MGAT4C: variants seen among roughly 807,000 people sequenced by gnomAD.
MGAT4C encodes the protein alpha-1,3-mannosyl-glycoprotein 4-beta-N-acetylglucosaminyltransferase C.
A neutral mutation model predicts 40.1 loss-of-function variants in MGAT4C; 19 were observed. The ratio of observed to expected loss-of-function variants is 0.47; its 90% CI spans 0.33 to 0.70. MGAT4C has a LOEUF of 0.70. Ranked by LOEUF, MGAT4C falls within the 30% of genes least tolerant of loss-of-function variation. The pLI is 0.02. For synonymous variants in MGAT4C, 181 were observed against 187.1 expected (o/e 0.97, Z 0.27); for missense variants, 491 against 563.2 (o/e 0.87, Z 1.30).
At chr12:85,984,554 T>C (rs1337746301) in intron 3 of MGAT4C, among the ~76,000 whole-genome samples, 1 of 152,186 alleles carries the variant, frequency 6.6e-6, no homozygotes, top group Non-Finnish European at 1.5e-5. Flanking sequence ...CTAATTGCCC[T>C]TCTTTGATAT....
chr12:86,460,961 C>A (rs879417608), intron 2 of MGAT4C, among the ~76,000 whole-genome samples: 2 of 152,040 alleles, frequency 1.3e-5, no homozygotes, highest in Non-Finnish European at 2.9e-5. Flanking sequence ...TAACACAATG[C>A]AAGAGTTTTA....
chr12:86,615,324 A>C (rs554650534), intron 2 of MGAT4C, among the ~76,000 whole-genome samples: 1 of 152,100 alleles, frequency 6.6e-6, no homozygotes, highest in South Asian at 2.1e-4. Flanking sequence ...ATATTAAAGC[A>C]GTTTACTGTA....
Position 86,105,852 on chromosome 12 carries a change from A to C in MGAT4C, c.-56-56129T>G, listed in dbSNP as rs74985904. ...CATAAGGGTTCTGCCCCAAACAGTT[A>C]AACGCAATATTTATTTTGTGCACTT... On this transcript the variant is annotated intron_variant, in intron 1 of 4. Transcript: ENST00000611864. 2.4e-3 allele frequency among the ~76,000 whole-genome samples: 373 copies of C among 152,320 alleles called. 1 individual carries two copies. The highest frequency in any genetic ancestry group is 7.4e-3 in the African/African-American group (308 of 41,572).
At position 86,781,727 on chromosome 12, in the gene MGAT4C, C is replaced by T. The variant is rs112792878; in HGVS notation, c.-261-54486G>A. On this transcript the variant is annotated intron_variant, in intron 1 of 7. Transcript: ENST00000548651. ...AATCTCAATATTCAGCATTTTCCAT[C>T]ATAAATTTCTTACTTCCTATAGATA... Among the ~76,000 whole-genome samples the T allele has an allele frequency of 3.3e-3, 506 of 152,118 alleles. 7 individuals are homozygous for T. Among genetic ancestry groups the T allele is most frequent in the African/African-American group, 0.012 (489 of 41,528 alleles).
chr12:86,820,824 G>C (rs1456016494), intron 1 of MGAT4C, among the ~76,000 whole-genome samples: 3 of 150,880 alleles, frequency 2.0e-5, no homozygotes, highest in Non-Finnish European at 4.5e-5. Context: ...TTAAGTCACA[G>C]TGGAGTTATT....
chr12:86,804,052 G>T (rs1443043833), intron 1 of MGAT4C, among the ~76,000 whole-genome samples: 4 of 143,888 alleles, frequency 2.8e-5, no homozygotes, highest in Non-Finnish European at 6.1e-5. Context: ...TTAAGAAAAT[G>T]TGGCACATAT....
At chr12:86,306,963 CAA>C (rs1173511620) in intron 4 of MGAT4C, among the ~76,000 whole-genome samples, 2 of 150,184 alleles carry the variant, frequency 1.3e-5, no homozygotes, top group Non-Finnish European at 2.9e-5. Context: ...ATTTTCATAA[CAA>C]AATGTTGAAA....
intron 2 of MGAT4C, among the ~76,000 whole-genome samples, chr12:86,436,632 G>A: frequency 6.6e-6 from 1 of 151,668 alleles, no homozygotes; most frequent in Non-Finnish European, 1.5e-5. Flanking sequence ...ATAAGGACTT[G>A]AAATTCTTAA....
At chr12:86,328,231 A>T (rs922043241) in intron 4 of MGAT4C, among the ~76,000 whole-genome samples, 6 of 152,216 alleles carry the variant, frequency 3.9e-5, no homozygotes, top group African/African-American at 7.2e-5. Context: ...TGACATATTT[A>T]TGAGAGAAAA....
chr12:86,146,626 C>T (rs551035077), intron 1 of MGAT4C, among the ~76,000 whole-genome samples: 2 of 152,020 alleles, frequency 1.3e-5, no homozygotes, highest in African/African-American at 4.8e-5. Context: ...CACTGCAGCA[C>T]TGGATATTTT....
rs536517245 is a variant in MGAT4C, at chr12:86,429,706, T to C, written c.-120+5451A>G. On this transcript the variant is annotated intron_variant, in intron 3 of 7. Coordinates refer to the MGAT4C transcript ENST00000548651. ...TTCTTATCACTTGTCCTCAGAATTT[T>C]TTCTTGTCCTTGATTTTTTATTGTT... Among the ~76,000 whole-genome samples, 7 of 152,334 alleles carry C rather than the reference T, an allele frequency of 4.6e-5. 1 individual carries two copies. In the East Asian group the frequency reaches 1.4e-3, roughly 29 times the overall value.
At chr12:86,746,817 C>T (rs535584284) in intron 1 of MGAT4C, among the ~76,000 whole-genome samples, 1 of 151,660 alleles carries the variant, frequency 6.6e-6, no homozygotes, top group East Asian at 1.9e-4. Flanking sequence ...GGTAATGTCT[C>T]CTTCTGAGTT....
intron 4 of MGAT4C, among the ~76,000 whole-genome samples, chr12:86,301,015 T>A (rs560842287): frequency 6.6e-6 from 1 of 152,266 alleles, no homozygotes; most frequent in East Asian, 1.9e-4. Context: ...TCAAATTCAA[T>A]CTCGTGGGAG....
intron 1 of MGAT4C, among the ~76,000 whole-genome samples, chr12:86,120,804 A>G (rs1196507384): frequency 2.0e-5 from 3 of 152,228 alleles, no homozygotes; most frequent in Admixed American, 6.5e-5. Context: ...CAAAGCAGAA[A>G]AGCTGAAAAT....
intron 3 of MGAT4C, among the ~76,000 whole-genome samples, chr12:86,357,797 C>T (rs150115342): frequency 2.6e-4 from 39 of 152,112 alleles, no homozygotes; most frequent in East Asian, 5.8e-4. Flanking sequence ...TAAAAAGAAT[C>T]GAACAAAGCC....
intron 1 of MGAT4C, among the ~76,000 whole-genome samples, chr12:86,122,503 TTATC>T (rs944511187): frequency 3.3e-5 from 5 of 152,170 alleles, no homozygotes; most frequent in African/African-American, 9.7e-5. Flanking sequence ...ACTTTTCATC[TTATC>T]TAAGTTATAA....
chr12:86,429,967 T>C (rs920156373), intron 3 of MGAT4C, among the ~76,000 whole-genome samples: 24 of 152,300 alleles, frequency 1.6e-4, no homozygotes, highest in African/African-American at 5.8e-4. Flanking sequence ...TTCCTTTATC[T>C]TTCTGCTCCA....
intron 2 of MGAT4C, among the ~76,000 whole-genome samples, chr12:86,559,287 C>A (rs188480666): frequency 6.6e-6 from 1 of 152,016 alleles, no homozygotes; most frequent in East Asian, 1.9e-4. Context: ...GCAGAAACAT[C>A]AGCTTTAAAC....
chr12:86,411,634 C>T (rs1167440112), intron 3 of MGAT4C, among the ~76,000 whole-genome samples: 1 of 152,098 alleles, frequency 6.6e-6, no homozygotes, highest in African/African-American at 2.4e-5. Flanking sequence ...AAAAGGGAAG[C>T]AGACTATAAA....
Sources: gnomAD v4.1 joint callset for allele counts (sites outside exome capture counted in the v4.1 genomes callset) on GRCh38, gnomAD v4.1.1 for gene constraint, MANE v1.5 for transcripts, NCBI Gene and HGNC (gene_info 2026-07-23, HGNC 2026-07-21) for gene names.